Variants in EXOC3 observed in about 807,000 individuals in gnomAD.
EXOC3 encodes the protein exocyst complex component 3, also known as SEC6-like 1.
A neutral mutation model predicts 73.7 loss-of-function variants in EXOC3; 21 were observed. The observed-to-expected ratio is 0.29, with a 90% CI of 0.20 to 0.41. The LOEUF is 0.41. Among genes scored for constraint, EXOC3 ranks in the 10% least tolerant of loss-of-function variants. The probability of loss-of-function intolerance (pLI) is 1.00; values close to 1 mark genes in which losing one functional copy is unlikely to be tolerated. For missense variants in EXOC3, 842 were observed against 985.1 expected (o/e 0.85, Z 1.95); for synonymous variants, 410 against 389.1 (o/e 1.05, Z -0.63).
intron 6 of EXOC3, 44 bp from the exon 7 acceptor site, chr5:459,315 T>A: frequency 9.2e-7 from 1 of 1,085,912 alleles, no homozygotes; most frequent in Non-Finnish European, 1.3e-6. Context: ...CTTAGTATAC[T>A]CCTGTAAGAT....
intron 4 of EXOC3, among the ~76,000 whole-genome samples, chr5:456,500 C>A (rs963926486): frequency 2.0e-5 from 3 of 152,180 alleles, no homozygotes; most frequent in Admixed American, 6.5e-5. Context: ...ATAGAACACA[C>A]GTCTTCCCCA....
intron 7 of EXOC3, 106 bp downstream of exon 7, chr5:459,565 C>A: frequency 1.8e-6 from 1 of 570,248 alleles, no homozygotes; most frequent in Non-Finnish European, 3.1e-6. Flanking sequence ...GAAATTAAGC[C>A]GGTAGATTCC....
chr5:443,278 G>A lies in EXOC3; in HGVS notation c.-69G>A. The A allele has an allele frequency of 6.9e-6, 1 of 144,572 alleles. No homozygotes were observed. Among genetic ancestry groups the A allele is most frequent in the Non-Finnish European group, 1.6e-5 (1 of 63,248 alleles). 9.0% of individuals were successfully genotyped at this position (144,572 alleles called of 1,614,324 possible). On this transcript the variant is annotated 5_prime_UTR_variant, in exon 1 of 13. Transcript: ENST00000512944. Reference sequence around the variant, plus strand: ...CGGCGGCGGCGGCGGCGGCGGCGGCGTAGCCGTAGAGGGTGAGTCGGTGGC... The same window carrying A: ...CGGCGGCGGCGGCGGCGGCGGCGGCATAGCCGTAGAGGGTGAGTCGGTGGC...
At chr5:457,201 G>T (rs558018295) in intron 5 of EXOC3, 195 bp downstream of exon 5, 2 of 585,436 alleles carry the variant, frequency 3.4e-6, no homozygotes, top group East Asian at 5.8e-5. Flanking sequence ...CCTTCTCTGG[G>T]CCTGGATCTG....
At chr5:448,566 C>T (rs1737569321) in intron 3 of EXOC3, among the ~76,000 whole-genome samples, 1 of 152,212 alleles carries the variant, frequency 6.6e-6, no homozygotes, top group South Asian at 2.1e-4. Flanking sequence ...GACGTCTCTG[C>T]CCTGATGTCT....
intron 9 of EXOC3, 110 bp downstream of exon 9, chr5:462,417 G>A: frequency 8.0e-7 from 1 of 1,246,934 alleles, no homozygotes; most frequent in Non-Finnish European, 1.1e-6. Flanking sequence ...CGTCTGGGGA[G>A]CCGGGCTGTG....
At chr5:464,756 T>C (rs182829706) in intron 10 of EXOC3, 71 of 412,338 alleles carry the variant, frequency 1.7e-4, no homozygotes, top group African/African-American at 1.3e-3. Flanking sequence ...GGTTCCTCTT[T>C]CCTCCAAAGT....
chr5:466,372 T>TAGA, intron 12 of EXOC3: 1 of 268,916 alleles, frequency 3.7e-6, no homozygotes, highest in Non-Finnish European at 7.1e-6. Flanking sequence ...CACCTGCCAC[T>TAGA]TCCCCAAGGG....
chr5:465,634 A>T, intron 11 of EXOC3, 84 bp from the exon 12 acceptor site: 1 of 1,553,054 alleles, frequency 6.4e-7, no homozygotes. Flanking sequence ...GTTCCCAGTC[A>T]GGAAGGGGCT....
At chr5:449,054 G>C (rs984470270) in intron 3 of EXOC3, among the ~76,000 whole-genome samples, 1 of 152,132 alleles carries the variant, frequency 6.6e-6, no homozygotes, top group South Asian at 2.1e-4. Flanking sequence ...ATTTCCTTCC[G>C]GTCTTTTAAA....
chr5:467,174 G>A lies in EXOC3; in HGVS notation c.*276G>A. The A allele has an allele frequency of 2.2e-6, 1 of 448,630 alleles. No individual in the cohort carries two copies. The highest frequency in any genetic ancestry group is 4.0e-6 in the Non-Finnish European group (1 of 249,128). The allele number at this position is 448,630 out of a possible 1,614,324, so 27.8% of individuals were successfully genotyped here. ...GTTGCAGTGGTTGAAAGTGTGTGGG[G>A]CACAGAGGACGTGCACCTCCCTGCC... On this transcript the variant is annotated 3_prime_UTR_variant, in exon 13 of 13. Transcript: ENST00000512944.
At chr5:463,280 A>G (rs1469872256) in intron 9 of EXOC3, among the ~76,000 whole-genome samples, 1 of 152,234 alleles carries the variant, frequency 6.6e-6, no homozygotes, top group African/African-American at 2.4e-5. Context: ...AACTTTCGCA[A>G]ATATGACTTA....
intron 9 of EXOC3, 129 bp from the exon 10 acceptor site, chr5:464,161 G>C: frequency 1.2e-6 from 1 of 835,222 alleles, no homozygotes; most frequent in Non-Finnish European, 1.8e-6. Context: ...AGGTGAGGAA[G>C]TGCCTCCCTC....
Position 453,711 on chromosome 5 carries a change from G to A in EXOC3, c.706G>A (p.Val236Ile), listed in dbSNP as rs767116120. 1.7e-5 allele frequency: 27 copies of A among 1,613,932 alleles called. No individual in the cohort carries two copies. Among genetic ancestry groups the A allele is most frequent in the Non-Finnish European group, 2.2e-5 (26 of 1,179,890 alleles). The change falls in exon 4 of 13, where the codon GTT becomes ATT. Residue 236 changes from valine to isoleucine, a missense_variant. Physicochemically the swap from Val to Ile is conservative, Grantham distance 29. Coordinates refer to ENST00000512944, the MANE Select transcript of EXOC3 (RefSeq NM_007277.5). ...TGACCGGAAAAAGCAAACTGGCTTTGTTCCTCCTGGGAGGCCCAAGAATTG... is the reference window on the plus strand; with the variant it reads ...TGACCGGAAAAAGCAAACTGGCTTTATTCCTCCTGGGAGGCCCAAGAATTG... ...ILDRKKQTGFVPPGRPKNWKE... is the reference protein window; with the variant it reads ...ILDRKKQTGFIPPGRPKNWKE...
intron 7 of EXOC3, 94 bp from the exon 8 acceptor site, chr5:461,866 G>A (rs1737995667): frequency 2.5e-6 from 2 of 791,648 alleles, no homozygotes; most frequent in South Asian, 3.2e-5. Flanking sequence ...TGTTAGTGAT[G>A]TGAAATTTCA....
chr5:445,987 G>A (rs969993659), intron 1 of EXOC3, among the ~76,000 whole-genome samples, 163 bp from the exon 2 acceptor site: 1 of 152,126 alleles, frequency 6.6e-6, no homozygotes, highest in Non-Finnish European at 1.5e-5. Flanking sequence ...TGTTACGAAG[G>A]TTTGTTTATC....
At chr5:456,449 C>T (rs1285656043) in intron 4 of EXOC3, among the ~76,000 whole-genome samples, 1 of 152,046 alleles carries the variant, frequency 6.6e-6, no homozygotes, top group African/African-American at 2.4e-5. Context: ...TTCAGCGCCT[C>T]CTGTTTGCCA....
chr5:459,810 G>C (rs565385398), intron 7 of EXOC3, among the ~76,000 whole-genome samples: 31 of 152,358 alleles, frequency 2.0e-4, no homozygotes, highest in Admixed American at 3.9e-4. Context: ...ACTTCGTAGT[G>C]GGGAGGGCGT....
rs375796347 is a variant in EXOC3, at chr5:465,111, A to C, written c.1777A>C (p.Arg593=). The part of the protein sequence containing the change: ...FAKIKKPYKK[R]MTAEAHRRVV... ...CCGCTGACCGCGCGTGTCTCCCCAG[A>C]GGATGACGGCCGAGGCGCACCGGCG... The change falls in exon 11 of 13, where the codon AGG becomes CGG. Residue 593 remains arginine (R), a splice_region_variant and synonymous_variant. Coordinates refer to ENST00000512944, the MANE Select transcript of EXOC3 (RefSeq NM_007277.5). 30 of 1,573,162 alleles carry C rather than the reference A, an allele frequency of 1.9e-5. No homozygotes were observed. The highest frequency in any genetic ancestry group is 2.5e-5 in the Non-Finnish European group (29 of 1,161,702).
Sources: allele counts gnomAD v4.1 joint callset (sites outside exome capture counted in the v4.1 genomes callset), GRCh38; gene constraint gnomAD v4.1.1; transcripts MANE v1.5; gene names NCBI Gene and HGNC (gene_info 2026-07-23, HGNC 2026-07-21).